Variants in FARSB observed in about 807,000 individuals in gnomAD.
FARSB encodes the protein phenylalanyl-tRNA synthetase subunit beta, also known as phenylalanine--tRNA ligase beta subunit.
FARSB carries 40 observed loss-of-function variants against 69.6 expected under a neutral mutation model. That is an observed-to-expected ratio of 0.57 (90% CI 0.45 to 0.75). The LOEUF (loss-of-function observed/expected upper bound fraction) is 0.75, where lower values mean the gene tolerates loss of function less well. FARSB is among the 30% of genes least tolerant of loss of function. The pLI, the probability that FARSB is intolerant of heterozygous loss-of-function variation, is 0.00. For missense variants in FARSB, 632 were observed against 722.9 expected (o/e 0.87, Z 1.44); for synonymous variants, 235 against 247.2 (o/e 0.95, Z 0.46).
At chr2:222,630,414 A>C (rs9288575) in intron 8 of FARSB, among the ~76,000 whole-genome samples, 128,331 of 152,060 alleles carry the variant, frequency 0.84, 54,916 homozygotes, top group Middle Eastern at 0.95. Flanking sequence ...TTCGTTCCCC[A>C]ACCCCCAACC....
intron 7 of FARSB, among the ~76,000 whole-genome samples, chr2:222,632,395 G>A (rs952322480): frequency 1.3e-5 from 2 of 152,104 alleles, no homozygotes; most frequent in African/African-American, 4.8e-5. Flanking sequence ...GAGCAGCAAG[G>A]CTAGGATTTG....
chr2:222,627,766 G>A (rs562727955), intron 10 of FARSB, among the ~76,000 whole-genome samples: 3 of 152,158 alleles, frequency 2.0e-5, no homozygotes, highest in African/African-American at 4.8e-5. Flanking sequence ...AATGTCTTCC[G>A]GAATGGGGAG....
At chr2:222,604,787 G>A (rs540022861) in intron 15 of FARSB, among the ~76,000 whole-genome samples, 4 of 141,898 alleles carry the variant, frequency 2.8e-5, no homozygotes, top group African/African-American at 1.0e-4. Flanking sequence ...TGCCCAGGCT[G>A]GTCTCGAACT....
At chr2:222,581,495 T>C (rs1180472164) in intron 16 of FARSB, among the ~76,000 whole-genome samples, 1 of 152,214 alleles carries the variant, frequency 6.6e-6, no homozygotes, top group African/African-American at 2.4e-5. Context: ...TGGATTAACA[T>C]ATTTTTAAAA....
intron 15 of FARSB, among the ~76,000 whole-genome samples, chr2:222,613,573 C>A (rs756238308): frequency 6.6e-6 from 1 of 152,020 alleles, no homozygotes; most frequent in Non-Finnish European, 1.5e-5. Context: ...TAAATACATA[C>A]TAAAGTGTTT....
chr2:222,625,223 T>C (rs759040604), intron 10 of FARSB, among the ~76,000 whole-genome samples: 1 of 152,234 alleles, frequency 6.6e-6, no homozygotes, highest in African/African-American at 2.4e-5. Context: ...GATATTCCTT[T>C]CTTACCATTT....
intron 15 of FARSB, among the ~76,000 whole-genome samples, chr2:222,611,316 G>A (rs1198115882): frequency 2.0e-5 from 3 of 152,102 alleles, no homozygotes; most frequent in African/African-American, 7.2e-5. Flanking sequence ...TACAGAAATA[G>A]AACTATCCTT....
intron 16 of FARSB, among the ~76,000 whole-genome samples, chr2:222,584,053 T>TA (rs1477963005): frequency 6.6e-6 from 1 of 152,178 alleles, no homozygotes; most frequent in African/African-American, 2.4e-5. Flanking sequence ...AAAACTTGCA[T>TA]AGGGCCTGAG....
chr2:222,616,790 G>C (rs1225060358), intron 14 of FARSB, among the ~76,000 whole-genome samples: 1 of 152,074 alleles, frequency 6.6e-6, no homozygotes, highest in Non-Finnish European at 1.5e-5. Flanking sequence ...AGAAGGAAAG[G>C]ATTTAGACAA....
In FARSB at chr2:222,607,821, C is replaced by T. The variant is rs577933783; in HGVS notation, c.1462+5990G>A. Among the ~76,000 whole-genome samples the T allele has an allele frequency of 1.1e-4, 17 of 152,112 alleles. No individual in the cohort carries two copies. In the South Asian group the frequency reaches 2.9e-3, roughly 26 times the overall value. The stretch of plus-strand genomic sequence containing the variant: ...ATTATAGCACCAAAGTACAGAACTT[C>T]CTTTTTAAAATAGTGCTGAAAAGCC... On this transcript the variant is annotated intron_variant, in intron 15 of 16. Coordinates refer to ENST00000281828, the MANE Select transcript of FARSB (RefSeq NM_005687.5).
rs576620956 is a variant in FARSB at position 222,574,367 on chromosome 2, A to T, written c.1619-2345T>A. Among the ~76,000 whole-genome samples the T allele has an allele frequency of 2.0e-5, 3 of 152,346 alleles. No individual in the cohort carries two copies. In the South Asian group the frequency reaches 6.2e-4, roughly 32 times the overall value. ...ATTCATACTATGCTTTATTTAAAAC[A>T]TATCCAAGCATATGAGTATTCTACA... On this transcript the variant is annotated intron_variant, in intron 16 of 16. Coordinates refer to ENST00000281828, the MANE Select transcript of FARSB (RefSeq NM_005687.5).
intron 16 of FARSB, among the ~76,000 whole-genome samples, chr2:222,582,662 C>T (rs951651467): frequency 4.6e-5 from 7 of 152,216 alleles, no homozygotes; most frequent in East Asian, 3.9e-4. Context: ...CAGTGGCTCA[C>T]GCCTGTAACC....
chr2:222,618,679 C>T lies in FARSB; in HGVS notation c.1344+966G>A, dbSNP rs1378236480. 2.0e-5 allele frequency among the ~76,000 whole-genome samples: 3 copies of T among 152,188 alleles called. No individual in the cohort carries two copies. The East Asian group carries it at 5.8e-4, about 29-fold the overall frequency. On this transcript the variant is annotated intron_variant, in intron 14 of 16. Coordinates refer to ENST00000281828, the MANE Select transcript of FARSB (RefSeq NM_005687.5). The stretch of plus-strand genomic sequence containing the variant: ...CTCAATATTAAAGCAGTATCATTCT[C>T]ATTTAAATATTCCTAACCTCTAAAT...
chr2:222,576,533 A>AAGCC (rs1689844482), intron 16 of FARSB, among the ~76,000 whole-genome samples: 1 of 152,172 alleles, frequency 6.6e-6, no homozygotes, highest in African/African-American at 2.4e-5. Flanking sequence ...TAGATATTGT[A>AAGCC]AGCCACTGGG....
Position 222,633,258 on chromosome 2 carries a change from A to G in FARSB, c.656T>C (p.Leu219Pro), listed in dbSNP as rs146768351. The change falls in exon 7 of 17, where the codon CTG (leucine) becomes CCG (proline). Residue 219 changes from leucine (L) to proline (P), a missense_variant. Coordinates refer to ENST00000281828, the MANE Select transcript of FARSB (RefSeq NM_005687.5). ...HYLHIIENKP[L>P]YPVIYDSNGV... ...ATTGCTATCATAGATAACTGGATACAGGGGTTTGTTTTCAATGATATGTAA... is the reference window on the plus strand; with the variant it reads ...ATTGCTATCATAGATAACTGGATACGGGGGTTTGTTTTCAATGATATGTAA... 1.5e-4 allele frequency: 242 copies of G among 1,585,524 alleles called. No individual in the cohort carries two copies. The highest frequency in any genetic ancestry group is 2.5e-4 in the Admixed American group (14 of 56,530).
chr2:222,603,293 T>C (rs2106200449), intron 15 of FARSB, among the ~76,000 whole-genome samples: 1 of 152,328 alleles, frequency 6.6e-6, no homozygotes, highest in South Asian at 2.1e-4. Flanking sequence ...TTTACTCCCA[T>C]AGGTAAAAGC....
chr2:222,594,598 G>T (rs973206899), intron 16 of FARSB, among the ~76,000 whole-genome samples: 1 of 152,030 alleles, frequency 6.6e-6, no homozygotes, highest in African/African-American at 2.4e-5. Flanking sequence ...AAAATTTCAT[G>T]AAGGAGCAAT....
chr2:222,611,442 G>T lies in FARSB; in HGVS notation c.1462+2369C>A, dbSNP rs896068034. On this transcript the variant is annotated intron_variant, in intron 15 of 16. Coordinates refer to ENST00000281828, the MANE Select transcript of FARSB (RefSeq NM_005687.5). ...TTCTTTCCTTTCTTTCTTCTTTTTG[G>T]GGGGGCGGGGGGGCGCGTGGGGGAG... Among the ~76,000 whole-genome samples the T allele has an allele frequency of 5.0e-5, 7 of 139,980 alleles. No individual in the cohort carries two copies. The South Asian group carries it at 7.6e-4, about 15-fold the overall frequency. The allele number at this position is 139,980 out of a possible 152,430, so 91.8% of individuals were successfully genotyped here.
chr2:222,634,523 G>A lies in FARSB; in HGVS notation c.474C>T (p.Ala158=). The A allele has an allele frequency of 6.2e-7, 1 of 1,612,636 alleles. No individual in the cohort carries two copies. The part of the protein sequence containing the change: ...QNICRKRALV[A]IGTHDLDTLS... The stretch of plus-strand genomic sequence containing the variant: ...AAGTGTCCAAATCATGGGTACCAAT[G>A]GCAACCAGTGCTCTTTTCCTAATTG... Residue 158 remains alanine (A), a synonymous_variant, in exon 6 of 17, where the codon GCC becomes GCT. Coordinates refer to ENST00000281828, the MANE Select transcript of FARSB (RefSeq NM_005687.5).
Sources: gnomAD v4.1 joint callset for allele counts (sites outside exome capture counted in the v4.1 genomes callset) on GRCh38, gnomAD v4.1.1 for gene constraint, MANE v1.5 for transcripts, NCBI Gene and HGNC (gene_info 2026-07-23, HGNC 2026-07-21) for gene names.